The following NELL2 variants were observed in gnomAD, a reference collection of about 807,000 sequenced individuals.
The protein encoded by NELL2 is neural EGFL like 2, also known as protein kinase C-binding protein NELL2.
In NELL2, 41 loss-of-function variants were observed where a neutral mutation model predicts 109.6. That is an observed-to-expected ratio of 0.37 (90% confidence interval 0.29 to 0.49). The LOEUF (loss-of-function observed/expected upper bound fraction) is 0.49, where lower values mean the gene tolerates loss of function less well. Ranked by LOEUF, NELL2 falls within the 20% of genes least tolerant of loss-of-function variation. The pLI is 0.98. For synonymous variants in NELL2, 355 were observed against 344.7 expected, an observed-to-expected ratio of 1.03 and a Z score of -0.33; for missense variants, 900 against 1,008.3, an observed-to-expected ratio of 0.89 and a Z score of 1.45.
chr12:44,712,736 C>T (rs1036093360), intron 10 of NELL2, among the ~76,000 whole-genome samples: 1 of 151,898 alleles, frequency 6.6e-6, no homozygotes, highest in Non-Finnish European at 1.5e-5. Flanking sequence ...ACATGTGGCT[C>T]TTTTACACTG....
chr12:44,708,845 T>C (rs865877810), intron 11 of NELL2, among the ~76,000 whole-genome samples: 1 of 152,198 alleles, frequency 6.6e-6, no homozygotes, highest in Non-Finnish European at 1.5e-5. Flanking sequence ...GAGGAAGTAT[T>C]AGTCATGGTA....
intron 3 of NELL2, among the ~76,000 whole-genome samples, chr12:44,781,507 T>C (rs529550282): frequency 6.6e-6 from 1 of 152,094 alleles, no homozygotes; most frequent in East Asian, 1.9e-4. Context: ...CCTCCCAAAT[T>C]TGGCAAGAGA....
chr12:44,693,201 C>A (rs1457584954), intron 12 of NELL2, among the ~76,000 whole-genome samples: 1 of 152,084 alleles, frequency 6.6e-6, no homozygotes, highest in Non-Finnish European at 1.5e-5. Flanking sequence ...GAGGCAAGAC[C>A]CTCCATCAGC....
At chr12:44,781,137 T>C (rs1309363766) in intron 3 of NELL2, among the ~76,000 whole-genome samples, 1 of 148,866 alleles carries the variant, frequency 6.7e-6, no homozygotes, top group Non-Finnish European at 1.5e-5. Flanking sequence ...AAAACAATTA[T>C]GAAAAGACTT....
chr12:44,742,357 G>GA (rs2136501697), intron 9 of NELL2, among the ~76,000 whole-genome samples: 1 of 152,130 alleles, frequency 6.6e-6, no homozygotes, highest in African/African-American at 2.4e-5. Context: ...ACAAAGATGG[G>GA]AAAAAAACAA....
At chr12:44,673,961 TCAA>T in intron 12 of NELL2, among the ~76,000 whole-genome samples, 1 of 152,130 alleles carries the variant, frequency 6.6e-6, no homozygotes, top group Non-Finnish European at 1.5e-5. Flanking sequence ...ATTCATTTAC[TCAA>T]CGAGTATATA....
chr12:44,679,019 A>C (rs1365333648), intron 12 of NELL2, among the ~76,000 whole-genome samples: 1 of 152,158 alleles, frequency 6.6e-6, no homozygotes, highest in African/African-American at 2.4e-5. Context: ...GGGAGAGATT[A>C]AGCATAATTA....
chr12:44,508,901 T>G lies in NELL2; in HGVS notation c.*33A>C, dbSNP rs747742756. On this transcript the variant is annotated 3_prime_UTR_variant, in exon 20 of 20. Coordinates refer to ENST00000429094, the MANE Select transcript of NELL2 (RefSeq NM_001145108.2). Reference sequence around the variant, plus strand: ...TTGGTCTTTTAATGAAAGAACATTCTTTTAACAGAAATCTCCCATGAGACA... The same window carrying G: ...TTGGTCTTTTAATGAAAGAACATTCGTTTAACAGAAATCTCCCATGAGACA... 1.9e-6 allele frequency: 3 copies of G among 1,585,358 alleles called. No homozygotes were observed. Among genetic ancestry groups the G allele is most frequent in the Non-Finnish European group, 2.6e-6 (3 of 1,161,488 alleles).
chr12:44,623,652 A>T (rs1433625969), intron 13 of NELL2, among the ~76,000 whole-genome samples: 1 of 152,068 alleles, frequency 6.6e-6, no homozygotes, highest in Non-Finnish European at 1.5e-5. Context: ...AGTTTAAGAG[A>T]TACTTTAATG....
At chr12:44,623,285 TA>T (rs1349045576) in intron 13 of NELL2, among the ~76,000 whole-genome samples, 4 of 152,248 alleles carry the variant, frequency 2.6e-5, no homozygotes, top group Non-Finnish European at 4.4e-5. Flanking sequence ...ATATAATTTA[TA>T]TGCACTAGAC....
At chr12:44,841,754 C>T (rs1944232270) in intron 2 of NELL2, among the ~76,000 whole-genome samples, 1 of 152,052 alleles carries the variant, frequency 6.6e-6, no homozygotes, top group Admixed American at 6.5e-5. Flanking sequence ...GATTCCAGGG[C>T]TCACACAGTG....
At chr12:44,704,100 C>T (rs1006900323) in intron 11 of NELL2, among the ~76,000 whole-genome samples, 1 of 151,992 alleles carries the variant, frequency 6.6e-6, no homozygotes, top group Non-Finnish European at 1.5e-5. Flanking sequence ...TTTATAAATG[C>T]TATCTAGTCC....
intron 12 of NELL2, among the ~76,000 whole-genome samples, chr12:44,666,084 C>T (rs549957556): frequency 2.6e-5 from 4 of 152,002 alleles, no homozygotes; most frequent in East Asian, 3.8e-4. Flanking sequence ...GCCAATTGCA[C>T]AAGCTTATTA....
At position 44,594,753 on chromosome 12, in the gene NELL2, AC is replaced by A. The variant is rs201998675; in HGVS notation, c.1663+12415del. 3.5e-3 allele frequency among the ~76,000 whole-genome samples: 530 copies of A among 152,298 alleles called. 2 individuals carry two copies. Among genetic ancestry groups the A allele is most frequent in the East Asian group, 0.029 (150 of 5,188 alleles). ...TAACAAATCTCCCCATTCTGCTTCT[AC>A]ATTATCTAAAATTAGTTTATTTATT... On this transcript the variant is annotated intron_variant, in intron 15 of 19. Coordinates refer to ENST00000429094, the MANE Select transcript of NELL2 (RefSeq NM_001145108.2).
At chr12:44,624,994 G>GTA (rs759847225) in intron 13 of NELL2, among the ~76,000 whole-genome samples, 6,754 of 118,424 alleles carry the variant, frequency 0.057, 448 homozygotes, top group Admixed American at 0.12. Flanking sequence ...ATATATGTGT[G>GTA]TGTATATATA....
At chr12:44,890,761 C>A (rs1945524530) in intron 1 of NELL2, among the ~76,000 whole-genome samples, 1 of 151,524 alleles carries the variant, frequency 6.6e-6, no homozygotes, top group African/African-American at 2.4e-5. Context: ...TACAGAGTCT[C>A]ACTCTGTCAC....
chr12:44,734,354 T>C (rs1939529245), intron 9 of NELL2, among the ~76,000 whole-genome samples: 1 of 152,008 alleles, frequency 6.6e-6, no homozygotes. Flanking sequence ...TGTATTATTA[T>C]ATTTTAAATG....
At chr12:44,669,715 A>G (rs1948071869) in intron 12 of NELL2, among the ~76,000 whole-genome samples, 1 of 152,174 alleles carries the variant, frequency 6.6e-6, no homozygotes, top group Non-Finnish European at 1.5e-5. Flanking sequence ...AAAGAAATAA[A>G]ACAGAATAAG....
intron 15 of NELL2, among the ~76,000 whole-genome samples, chr12:44,588,911 A>C (rs1166306259): frequency 2.0e-5 from 3 of 152,162 alleles, no homozygotes; most frequent in African/African-American, 7.2e-5. Context: ...TTCTGTCTAT[A>C]ATTTCATTCA....
Sources: allele counts gnomAD v4.1 joint callset (sites outside exome capture counted in the v4.1 genomes callset), GRCh38; gene constraint gnomAD v4.1.1; transcripts MANE v1.5; gene names NCBI Gene and HGNC (gene_info 2026-07-23, HGNC 2026-07-21).